The following ERBIN variants were observed in gnomAD, a reference collection of about 807,000 sequenced individuals.
The protein encoded by ERBIN is erbb2 interacting protein, also known as densin-180-like protein.
ERBIN carries 60 observed loss-of-function variants against 158.4 expected under a neutral mutation model. That is an observed-to-expected ratio of 0.38 (90% CI 0.31 to 0.47). The LOEUF (loss-of-function observed/expected upper bound fraction) is 0.47. ERBIN is among the 20% of genes least tolerant of loss of function. The probability of loss-of-function intolerance (pLI) is 0.99; values close to 1 mark genes in which losing one functional copy is unlikely to be tolerated. For missense variants in ERBIN, 1,610 were observed against 1,648.0 expected (o/e 0.98, Z 0.40); for synonymous variants, 594 against 557.2 (o/e 1.07, Z -0.93).
intron 21 of ERBIN, among the ~76,000 whole-genome samples, chr5:66,058,587 G>T (rs891825689): frequency 2.0e-5 from 3 of 150,412 alleles, no homozygotes; most frequent in Admixed American, 2.0e-4. Context: ...TGCTTTTGGT[G>T]TTTTAGACAT....
Position 65,937,857 on chromosome 5 carries a change from C to T in ERBIN, c.-58+11051C>T, listed in dbSNP as rs542432700. On this transcript the variant is annotated intron_variant, in intron 1 of 25. Transcript: ENST00000284037. ...CCGGGAGGCGGAGCTTGTAGTGAGC[C>T]GAGATCGTGCCACTGCACCCAGCCT... Among the ~76,000 whole-genome samples the T allele has an allele frequency of 2.6e-5, 4 of 152,160 alleles. No individual in the cohort carries two copies. The South Asian group carries it at 6.2e-4, about 24-fold the overall frequency.
At chr5:66,002,128 G>A (rs149130479) in intron 4 of ERBIN, among the ~76,000 whole-genome samples, 141 of 152,106 alleles carry the variant, frequency 9.3e-4, no homozygotes, top group African/African-American at 3.3e-3. Context: ...TCCATGTCCC[G>A]GTAAAGGACA....
chr5:65,933,660 T>C (rs967726765), intron 1 of ERBIN, among the ~76,000 whole-genome samples: 13 of 152,194 alleles, frequency 8.5e-5, no homozygotes, highest in African/African-American at 2.9e-4. Flanking sequence ...TTTGGGTGTC[T>C]GGTTCCTCAA....
At chr5:65,965,725 T>C (rs1748536509) in intron 1 of ERBIN, among the ~76,000 whole-genome samples, 1 of 152,174 alleles carries the variant, frequency 6.6e-6, no homozygotes, top group African/African-American at 2.4e-5. Flanking sequence ...TCAGTGAGAT[T>C]TCTCTCGTTC....
intron 21 of ERBIN, among the ~76,000 whole-genome samples, chr5:66,063,591 C>T (rs2151275852): frequency 6.6e-6 from 1 of 152,252 alleles, no homozygotes; most frequent in South Asian, 2.1e-4. Context: ...AACCCGGTAC[C>T]TCAGTTGGAA....
At chr5:65,964,677 C>T (rs1415930172) in intron 1 of ERBIN, among the ~76,000 whole-genome samples, 1 of 151,594 alleles carries the variant, frequency 6.6e-6, no homozygotes, top group Non-Finnish European at 1.5e-5. Context: ...TTTTCAGGTA[C>T]TGCAGACATT....
chr5:66,051,810 G>C (rs1287660770), intron 20 of ERBIN, among the ~76,000 whole-genome samples: 2 of 150,776 alleles, frequency 1.3e-5, no homozygotes, highest in Non-Finnish European at 3.0e-5. Context: ...TGGGAGGATT[G>C]CTTGAGCCCA....
chr5:65,967,511 A>T (rs1346241345), intron 1 of ERBIN, among the ~76,000 whole-genome samples: 2 of 152,216 alleles, frequency 1.3e-5, no homozygotes, highest in Non-Finnish European at 2.9e-5. Flanking sequence ...GTACATCAGC[A>T]TGCGGTACGT....
chr5:65,989,095 T>C (rs1718429637), intron 2 of ERBIN, among the ~76,000 whole-genome samples: 1 of 151,000 alleles, frequency 6.6e-6, no homozygotes, highest in African/African-American at 2.4e-5. Context: ...TTCTGATTTA[T>C]AAAGTGGCTC....
rs894104879 is a variant in ERBIN at position 66,043,114 on chromosome 5, A to C, written c.1344A>C (p.Ser448=). Residue 448 remains serine (S), a synonymous_variant, in exon 16 of 26, where the codon TCA becomes TCC. Transcript: ENST00000284037. Reference sequence around the variant, plus strand: ...CAGATAATGAAAGTTTTAACCCTTCATTGTGGGAGGAACAGAGGAAACAGC... The same window carrying C: ...CAGATAATGAAAGTTTTAACCCTTCCTTGTGGGAGGAACAGAGGAAACAGC... The part of the protein sequence containing the change: ...FISDNESFNP[S]LWEEQRKQRA... 4 of 1,610,336 alleles carry C rather than the reference A, an allele frequency of 2.5e-6. No homozygotes were observed. The highest frequency in any genetic ancestry group is 2.7e-5 in the African/African-American group (2 of 74,830).
In ERBIN at chr5:65,954,856, G is replaced by A. The variant is rs574779731; in HGVS notation, c.-58+28050G>A. Among the ~76,000 whole-genome samples, 12 of 152,108 alleles carry A rather than the reference G, an allele frequency of 7.9e-5. No individual in the cohort carries two copies. In the South Asian group the frequency reaches 2.5e-3, roughly 32 times the overall value. On this transcript the variant is annotated intron_variant, in intron 1 of 25. Coordinates refer to ENST00000284037, the MANE Select transcript of ERBIN (RefSeq NM_001253697.2). Reference sequence around the variant, plus strand: ...CGAGGTGGGGGATCACTTGAGGTCAGGAGTTTGAGACCAGCCTGGGCAACA... The same window carrying A: ...CGAGGTGGGGGATCACTTGAGGTCAAGAGTTTGAGACCAGCCTGGGCAACA...
chr5:65,971,329 T>C (rs1477959636), intron 1 of ERBIN, among the ~76,000 whole-genome samples: 4 of 152,062 alleles, frequency 2.6e-5, no homozygotes, highest in African/African-American at 9.7e-5. Context: ...CAAAGTTCCC[T>C]TTTTAGAAGA....
chr5:66,057,819 G>C (rs1170267484), intron 21 of ERBIN, among the ~76,000 whole-genome samples: 1 of 150,300 alleles, frequency 6.7e-6, no homozygotes, highest in Non-Finnish European at 1.5e-5. Context: ...TTTCGTCCTT[G>C]TGATAGTTTG....
intron 14 of ERBIN, among the ~76,000 whole-genome samples, chr5:66,035,239 CCAGAGCTTCACATT>C (rs1757279969): frequency 6.6e-6 from 1 of 152,144 alleles, no homozygotes; most frequent in African/African-American, 2.4e-5. Flanking sequence ...AGTTCTTGTG[CCAGAGCTTCACATT>C]CATATAGCTC....
chr5:65,975,709 A>T (rs369928214), intron 1 of ERBIN, among the ~76,000 whole-genome samples: 5 of 152,364 alleles, frequency 3.3e-5, no homozygotes, highest in African/African-American at 1.2e-4. Context: ...AGAATAATTG[A>T]AGTCAGTGCA....
chr5:66,007,805 G>T (rs1156929454), intron 4 of ERBIN, among the ~76,000 whole-genome samples: 1 of 152,200 alleles, frequency 6.6e-6, no homozygotes, highest in Admixed American at 6.5e-5. Flanking sequence ...GCTTGGGATA[G>T]GTTGAGTTTG....
intron 21 of ERBIN, among the ~76,000 whole-genome samples, chr5:66,063,722 T>C (rs1260657406): frequency 6.6e-6 from 1 of 152,310 alleles, no homozygotes; most frequent in Admixed American, 6.5e-5. Flanking sequence ...AAAGTGAAGA[T>C]AGTCTCTGTA....
At chr5:66,011,419 G>A (rs921267216) in intron 4 of ERBIN, among the ~76,000 whole-genome samples, 4 of 152,220 alleles carry the variant, frequency 2.6e-5, no homozygotes, top group African/African-American at 9.6e-5. Flanking sequence ...CCTGTGGGGT[G>A]GCTCAAGCCT....
chr5:66,011,398 A>AG (rs1330917321), intron 4 of ERBIN, among the ~76,000 whole-genome samples: 4 of 152,326 alleles, frequency 2.6e-5, no homozygotes, highest in Middle Eastern at 3.4e-3. Flanking sequence ...ATTTAAAAAA[A>AG]CAATCCTTGG....
Sources: allele counts gnomAD v4.1 joint callset (sites outside exome capture counted in the v4.1 genomes callset), GRCh38; gene constraint gnomAD v4.1.1; transcripts MANE v1.5; gene names NCBI Gene and HGNC (gene_info 2026-07-23, HGNC 2026-07-21).